DNAH8: variants seen among roughly 807,000 people sequenced by gnomAD.
The protein encoded by DNAH8 is dynein axonemal heavy chain 8.
Under a neutral mutation model 562.1 loss-of-function variants are expected in DNAH8, and 382 were observed. That is an observed-to-expected ratio of 0.68 (90% CI 0.63 to 0.74). The LOEUF (loss-of-function observed/expected upper bound fraction) is 0.74, where lower values mean the gene tolerates loss of function less well. Among genes scored for constraint, DNAH8 ranks in the 30% least tolerant of loss-of-function variants. The pLI, the probability that DNAH8 is intolerant of heterozygous loss-of-function variation, is 0.00. For synonymous variants in DNAH8, 1,881 were observed against 1,919.4 expected (o/e 0.98, Z 0.52); for missense variants, 5,203 against 5,620.4 (o/e 0.93, Z 2.37).
At chr6:39,008,045 T>A (rs1000161045) in intron 88 of DNAH8, among the ~76,000 whole-genome samples, 1 of 148,988 alleles carries the variant, frequency 6.7e-6, no homozygotes. Flanking sequence ...GAGTGTCTGG[T>A]CGACCTGAAA....
chr6:38,741,582 T>A (rs1030958925), intron 7 of DNAH8, 129 bp from the exon 8 acceptor site: 1 of 714,016 alleles, frequency 1.4e-6, no homozygotes, highest in East Asian at 2.8e-5. Context: ...CTTCATTTAC[T>A]GAGAGTTTTT....
chr6:38,848,640 C>A lies in DNAH8; in HGVS notation c.5046-8C>A. 6.2e-7 allele frequency: 1 copy of A among 1,602,792 alleles called. No homozygotes were observed. The highest frequency in any genetic ancestry group is 8.5e-7 in the Non-Finnish European group (1 of 1,171,878). ...TGAAATGTGATTTTTTCCGTTCTTACCTTTTAGATACAATGCTCCATTTAA... is the reference window on the plus strand; with the variant it reads ...TGAAATGTGATTTTTTCCGTTCTTAACTTTTAGATACAATGCTCCATTTAA... On this transcript the variant is annotated splice_polypyrimidine_tract_variant and splice_region_variant and intron_variant, in intron 36 of 92. Coordinates refer to ENST00000327475, the MANE Select transcript of DNAH8 (RefSeq NM_001206927.2).
At chr6:39,015,745 C>T (rs1344692397) in intron 91 of DNAH8, among the ~76,000 whole-genome samples, 2 of 152,176 alleles carry the variant, frequency 1.3e-5, no homozygotes, top group African/African-American at 4.8e-5. Context: ...GCCTTACTTT[C>T]CTTCATTTGT....
Position 39,030,392 on chromosome 6 carries a change from A to C in DNAH8, c.14124A>C (p.Ter4708TyrextTer13). Residue 4708 changes from the stop codon to tyrosine, a stop_lost, in exon 93 of 93, where the codon TAA becomes TAC. Transcript: ENST00000327475. Reference sequence around the variant, plus strand: ...TGGCCCTTTTGTGTGACATCAAGTAAGTTCATTTCCATCTGCTCAGGGCAC... The same window carrying C: ...TGGCCCTTTTGTGTGACATCAAGTACGTTCATTTCCATCTGCTCAGGGCAC... ...RGVALLCDIK[*>Y] The C allele has an allele frequency of 6.2e-7, 1 of 1,612,746 alleles. No homozygotes were observed. The highest frequency in any genetic ancestry group is 1.1e-5 in the South Asian group (1 of 90,960).
intron 12 of DNAH8, among the ~76,000 whole-genome samples, chr6:38,772,130 G>A (rs1767638357): frequency 2.7e-5 from 4 of 149,536 alleles, no homozygotes; most frequent in African/African-American, 4.9e-5. Context: ...CCGGGTTCAC[G>A]ACATTCTCCT....
intron 27 of DNAH8, 38 bp from the exon 28 acceptor site, chr6:38,823,524 G>C: frequency 2.0e-6 from 3 of 1,507,914 alleles, no homozygotes; most frequent in Middle Eastern, 1.7e-4. Flanking sequence ...GATTTATACT[G>C]TTAAAAAATT....
rs1776705129 is a variant in DNAH8 at position 38,862,397 on chromosome 6, T to C, written c.6249T>C (p.Tyr2083=). 1.2e-6 allele frequency: 2 copies of C among 1,614,136 alleles called. No homozygotes were observed. The highest frequency in any genetic ancestry group is 1.7e-6 in the Non-Finnish European group (2 of 1,179,986). Residue 2083 remains tyrosine (Y), a synonymous_variant, in exon 44 of 93, where the codon TAT becomes TAC. Coordinates refer to ENST00000327475, the MANE Select transcript of DNAH8 (RefSeq NM_001206927.2). ...TKDMGRCLGK[Y]VVVFNCSDQM... ...ACATGGGAAGGTGTTTGGGAAAATATGTGGTCGTGTTCAATTGCTCAGATC... is the reference window on the plus strand; with the variant it reads ...ACATGGGAAGGTGTTTGGGAAAATACGTGGTCGTGTTCAATTGCTCAGATC...
intron 70 of DNAH8, among the ~76,000 whole-genome samples, chr6:38,920,526 A>G (rs1344937677): frequency 6.6e-6 from 1 of 152,200 alleles, no homozygotes; most frequent in Non-Finnish European, 1.5e-5. Context: ...CAGTAATTTC[A>G]CTTGCAGAAT....
intron 62 of DNAH8, among the ~76,000 whole-genome samples, chr6:38,903,019 A>T (rs966716127): frequency 6.6e-5 from 10 of 152,234 alleles, no homozygotes; most frequent in African/African-American, 9.6e-5. Flanking sequence ...TTAGGTAGAT[A>T]CACAAATATG....
At chr6:38,863,559 C>T (rs1232195922) in intron 44 of DNAH8, among the ~76,000 whole-genome samples, 1 of 152,158 alleles carries the variant, frequency 6.6e-6, no homozygotes, top group African/African-American at 2.4e-5. Flanking sequence ...TTCGACCTAT[C>T]CTTTACTCCG....
chr6:38,821,871 C>A (rs913402485), intron 26 of DNAH8, among the ~76,000 whole-genome samples: 7 of 152,148 alleles, frequency 4.6e-5, no homozygotes, highest in Non-Finnish European at 8.8e-5. Context: ...CAGCTGGAGT[C>A]AAAATTTATC....
At chr6:38,758,383 C>T (rs1484807938) in intron 10 of DNAH8, among the ~76,000 whole-genome samples, 1 of 151,616 alleles carries the variant, frequency 6.6e-6, no homozygotes, top group Admixed American at 6.6e-5. Context: ...GATTTTGTAT[C>T]CTGAGACTTT....
intron 8 of DNAH8, among the ~76,000 whole-genome samples, chr6:38,745,585 C>T (rs1463297450): frequency 3.3e-5 from 5 of 152,102 alleles, no homozygotes; most frequent in Admixed American, 6.6e-5. Context: ...AACATTAGTA[C>T]GATACTATTA....
At chr6:38,887,310 T>A (rs1436514247) in intron 57 of DNAH8, among the ~76,000 whole-genome samples, 3 of 152,204 alleles carry the variant, frequency 2.0e-5, no homozygotes, top group African/African-American at 7.2e-5. Context: ...AGCACAAAGA[T>A]CACAGATTAA....
Position 38,955,579 on chromosome 6 carries a change from C to T in DNAH8, c.12451+4059C>T, listed in dbSNP as rs577110700. ...CTGGGAGGTGGAGGTTGCAGTGAGC[C>T]GAGATTGTGCCATTGCACTCCAGCC... On this transcript the variant is annotated intron_variant, in intron 82 of 92. Coordinates refer to ENST00000327475, the MANE Select transcript of DNAH8 (RefSeq NM_001206927.2). Among the ~76,000 whole-genome samples the T allele has an allele frequency of 3.3e-5, 5 of 152,024 alleles. No homozygotes were observed. The South Asian group carries it at 8.3e-4, about 25-fold the overall frequency.
At chr6:39,008,763 T>C in intron 88 of DNAH8, 51 bp from the exon 89 acceptor site, 1 of 1,134,860 alleles carries the variant, frequency 8.8e-7, no homozygotes, top group Non-Finnish European at 1.3e-6. Flanking sequence ...TTGACACTTA[T>C]CTCTTACATG....
At chr6:38,914,625 C>T (rs1412418206) in intron 67 of DNAH8, among the ~76,000 whole-genome samples, 2 of 152,028 alleles carry the variant, frequency 1.3e-5, no homozygotes, top group African/African-American at 4.8e-5. Flanking sequence ...GCTGGGATTA[C>T]AGGCATGAGC....
intron 61 of DNAH8, among the ~76,000 whole-genome samples, chr6:38,899,533 T>C (rs758872910): frequency 1.3e-5 from 2 of 152,238 alleles, no homozygotes; most frequent in Non-Finnish European, 2.9e-5. Context: ...AGTTTTAAAA[T>C]AGAAGGGAGT....
chr6:38,824,513 G>A (rs1363829103), intron 28 of DNAH8, among the ~76,000 whole-genome samples: 1 of 152,042 alleles, frequency 6.6e-6, no homozygotes, highest in Admixed American at 6.6e-5. Flanking sequence ...TTGTTACCAT[G>A]GTTACATAAC....
Sources: allele counts gnomAD v4.1 joint callset (sites outside exome capture counted in the v4.1 genomes callset), GRCh38; gene constraint gnomAD v4.1.1; transcripts MANE v1.5; gene names NCBI Gene and HGNC (gene_info 2026-07-23, HGNC 2026-07-21).